The following SHISA9 variants were observed in gnomAD, a reference collection of about 807,000 sequenced individuals.
SHISA9 encodes shisa family member 9.
SHISA9 carries 13 observed loss-of-function variants against 38.0 expected under a neutral mutation model. That is an observed-to-expected ratio of 0.34 (90% CI 0.22 to 0.54). SHISA9 has a LOEUF of 0.54. SHISA9 is among the 20% of genes least tolerant of loss of function. The pLI is 0.91. For missense variants in SHISA9, 538 were observed against 575.8 expected (o/e 0.93, Z 0.67); for synonymous variants, 275 against 242.0 (o/e 1.14, Z -1.27).
the SHISA9 span, among the ~76,000 whole-genome samples, chr16:13,537,669 A>G: frequency 1.3e-5 from 2 of 152,148 alleles, no homozygotes; most frequent in African/African-American, 4.8e-5. Flanking sequence ...CCGTGGGACA[A>G]TTGTATCTTG....
At chr16:13,225,287 G>C (rs1230464767) in intron 4 of SHISA9, among the ~76,000 whole-genome samples, 1 of 152,144 alleles carries the variant, frequency 6.6e-6, no homozygotes, top group Non-Finnish European at 1.5e-5. Flanking sequence ...CTGGCCTTTG[G>C]AACTGCAAGA....
chr16:13,054,470 A>G lies in SHISA9; in HGVS notation c.691+137655A>G, dbSNP rs572196535. 2.5e-4 allele frequency among the ~76,000 whole-genome samples: 38 copies of G among 152,344 alleles called. No homozygotes were observed. In the South Asian group the frequency reaches 3.9e-3, roughly 16 times the overall value. On this transcript the variant is annotated intron_variant, in intron 2 of 4. Transcript: ENST00000558583. ...CTCCCCGATATTTCTAGGAACCAAG[A>G]AGTCTTGAAATCATTTGACTACATA...
At chr16:12,925,588 G>C (rs370764022) in intron 2 of SHISA9, among the ~76,000 whole-genome samples, 26 of 152,292 alleles carry the variant, frequency 1.7e-4, no homozygotes, top group African/African-American at 6.3e-4. Flanking sequence ...AGCCTAATTA[G>C]ATTTGCATTG....
chr16:13,212,130 G>C (rs1012279505), intron 3 of SHISA9, among the ~76,000 whole-genome samples: 3 of 152,200 alleles, frequency 2.0e-5, no homozygotes, highest in African/African-American at 7.2e-5. Flanking sequence ...TCTGTGCTCT[G>C]TAATCATTCA....
At chr16:13,352,647 C>T in the SHISA9 span, among the ~76,000 whole-genome samples, 1 of 146,510 alleles carries the variant, frequency 6.8e-6, no homozygotes, top group African/African-American at 2.6e-5. Flanking sequence ...CTGTTTATTT[C>T]ACCTGGGCGC....
chr16:13,361,468 T>G, the SHISA9 span, among the ~76,000 whole-genome samples: 1 of 152,250 alleles, frequency 6.6e-6, no homozygotes, highest in Non-Finnish European at 1.5e-5. Context: ...TGCTGAGCAT[T>G]TTATGAGCTT....
chr16:13,448,562 TCTGTGGCCCTGCCCCAA>T, the SHISA9 span, among the ~76,000 whole-genome samples: 2 of 152,254 alleles, frequency 1.3e-5, no homozygotes, highest in African/African-American at 2.4e-5. Flanking sequence ...CAGGAAGCCA[TCTGTGGCCCTGCCCCAA>T]GGCAGAGCCT....
At chr16:13,061,931 C>T (rs1174625420) in intron 2 of SHISA9, among the ~76,000 whole-genome samples, 1 of 152,128 alleles carries the variant, frequency 6.6e-6, no homozygotes, top group Non-Finnish European at 1.5e-5. Context: ...GCACAAGTTC[C>T]TTAAGTTGGA....
At chr16:13,305,641 G>C in the SHISA9 span, among the ~76,000 whole-genome samples, 1 of 152,178 alleles carries the variant, frequency 6.6e-6, no homozygotes, top group Admixed American at 6.5e-5. Context: ...CCTGCCAGCT[G>C]CCACAGGCAT....
At chr16:13,301,739 G>T in the SHISA9 span, among the ~76,000 whole-genome samples, 4 of 152,168 alleles carry the variant, frequency 2.6e-5, no homozygotes, top group African/African-American at 9.7e-5. Flanking sequence ...ATGAGTGAAT[G>T]AATGAAGTTG....
At chr16:13,479,782 T>C in the SHISA9 span, among the ~76,000 whole-genome samples, 3 of 152,310 alleles carry the variant, frequency 2.0e-5, no homozygotes, top group East Asian at 5.8e-4. Flanking sequence ...TCAGGTTCAC[T>C]GGTGGTTTGG....
At chr16:13,132,624 C>T (rs2050315883) in intron 2 of SHISA9, among the ~76,000 whole-genome samples, 5 of 152,074 alleles carry the variant, frequency 3.3e-5, no homozygotes, top group Admixed American at 3.3e-4. Context: ...GCAAAACTGC[C>T]CCCATTAAGA....
At chr16:13,495,844 T>C in the SHISA9 span, among the ~76,000 whole-genome samples, 1 of 152,058 alleles carries the variant, frequency 6.6e-6, no homozygotes, top group African/African-American at 2.4e-5. Context: ...ACTAAACCGA[T>C]GGTATGTAGG....
chr16:12,972,356 C>A (rs1429675946), intron 2 of SHISA9, among the ~76,000 whole-genome samples: 1 of 152,128 alleles, frequency 6.6e-6, no homozygotes, highest in Non-Finnish European at 1.5e-5. Flanking sequence ...CAAAGTCTGG[C>A]AAGTCCTAAA....
At chr16:12,971,274 G>A (rs911157815) in intron 2 of SHISA9, among the ~76,000 whole-genome samples, 1 of 152,212 alleles carries the variant, frequency 6.6e-6, no homozygotes, top group Admixed American at 6.5e-5. Context: ...CAGCTTGCCT[G>A]TTTCCTAGGG....
chr16:13,074,094 C>T (rs920599329), intron 2 of SHISA9, among the ~76,000 whole-genome samples: 6 of 151,876 alleles, frequency 4.0e-5, no homozygotes, highest in Middle Eastern at 3.4e-3. Context: ...CTCAGCCTCC[C>T]GAGTAGCTGG....
the SHISA9 span, among the ~76,000 whole-genome samples, chr16:13,401,732 C>G: frequency 1.3e-5 from 2 of 152,118 alleles, no homozygotes; most frequent in Non-Finnish European, 1.5e-5. Flanking sequence ...TTCCCAGCCT[C>G]TATATATTAG....
At chr16:12,977,514 C>T (rs900792332) in intron 2 of SHISA9, among the ~76,000 whole-genome samples, 13 of 152,080 alleles carry the variant, frequency 8.5e-5, no homozygotes, top group African/African-American at 2.7e-4. Flanking sequence ...GATATATGCG[C>T]GTGTATGTTC....
At chr16:13,104,396 C>T (rs575138057) in intron 2 of SHISA9, among the ~76,000 whole-genome samples, 10 of 152,254 alleles carry the variant, frequency 6.6e-5, no homozygotes, top group African/African-American at 2.4e-4. Context: ...AAGACATATC[C>T]ATGAATATTC....
Sources: allele counts gnomAD v4.1 joint callset (sites outside exome capture counted in the v4.1 genomes callset), GRCh38; gene constraint gnomAD v4.1.1; transcripts MANE v1.5; gene names NCBI Gene and HGNC (gene_info 2026-07-23, HGNC 2026-07-21).